Variants in SLC9A4 observed in about 807,000 individuals in gnomAD.
The protein encoded by SLC9A4 is sodium/hydrogen exchanger 4.
In SLC9A4, 63 loss-of-function variants were observed where a neutral mutation model predicts 67.4. The observed-to-expected ratio is 0.93, with a 90% CI of 0.76 to 1.15. The LOEUF is 1.15. SLC9A4 is among the 50% of genes most tolerant of loss of function. SLC9A4 has a pLI of 0.00. For missense variants in SLC9A4, 1,089 were observed against 987.7 expected, an observed-to-expected ratio of 1.10 and a Z score of -1.38; for synonymous variants, 393 against 367.2, an observed-to-expected ratio of 1.07 and a Z score of -0.80.
Position 102,473,726 on chromosome 2 carries a change from C to A in SLC9A4, c.-34C>A. On this transcript the variant is annotated 5_prime_UTR_variant, in exon 1 of 12. Coordinates refer to ENST00000295269, the MANE Select transcript of SLC9A4 (RefSeq NM_001011552.4). ...CGACTTCAGATGTGTGGCACACATCCACACAGGGGTGTAGGTAGGAGAAGC... is the reference window on the plus strand; with the variant it reads ...CGACTTCAGATGTGTGGCACACATCAACACAGGGGTGTAGGTAGGAGAAGC... 1 of 1,607,970 alleles carries A rather than the reference C, an allele frequency of 6.2e-7. No homozygotes were observed. Among genetic ancestry groups the A allele is most frequent in the Non-Finnish European group, 8.5e-7 (1 of 1,177,340 alleles).
At chr2:102,474,683 C>CA (rs1684291636) in intron 1 of SLC9A4, among the ~76,000 whole-genome samples, 4 of 152,160 alleles carry the variant, frequency 2.6e-5, no homozygotes, top group Non-Finnish European at 5.9e-5. Context: ...ATCTTTGTGT[C>CA]AAAAACCAAA....
chr2:102,532,811 T>C lies in SLC9A4; in HGVS notation c.*123T>C, dbSNP rs1423324149. 4 of 1,053,312 alleles carry C rather than the reference T, an allele frequency of 3.8e-6. No homozygotes were observed. The highest frequency in any genetic ancestry group is 2.7e-5 in the Admixed American group (1 of 37,302). The allele number at this position is 1,053,312 out of a possible 1,614,324, so 65.2% of individuals were successfully genotyped here. A position where few individuals can be genotyped will look rare whatever the true frequency, so the allele number is the denominator to read the frequency against. On this transcript the variant is annotated 3_prime_UTR_variant, in exon 12 of 12. Coordinates refer to ENST00000295269, the MANE Select transcript of SLC9A4 (RefSeq NM_001011552.4). ...TTTGCTGTGTTGAAGCTATTAAACA[T>C]GGATCTATAAGCAGCAGGAAGATTT...
intron 10 of SLC9A4, 40 bp from the exon 11 acceptor site, chr2:102,526,219 A>T (rs774243479): frequency 5.0e-6 from 8 of 1,597,772 alleles, no homozygotes; most frequent in Non-Finnish European, 5.1e-6. Flanking sequence ...CTTAATTGAG[A>T]CAGCTTATTC....
Position 102,525,145 on chromosome 2 carries a change from G to A in SLC9A4, c.1940G>A (p.Trp647Ter), listed in dbSNP as rs1479565772. ...ATGAGGAAAGGTCACAGCCTGCCCT[G>A]GGGAAAGCCGGTACATTGGGGCTGG... ...ESMRKGHSLP[W>*]GKPAGTKNIR... Residue 647 changes from tryptophan (W) to a stop codon, truncating the protein, a stop_gained, in exon 10 of 12, where the codon TGG becomes TAG. Coordinates refer to ENST00000295269, the MANE Select transcript of SLC9A4 (RefSeq NM_001011552.4). LOFTEE classifies it high-confidence loss of function. The A allele has an allele frequency of 2.2e-5, 36 of 1,613,706 alleles. No homozygotes were observed. The highest frequency in any genetic ancestry group is 2.8e-5 in the Non-Finnish European group (33 of 1,179,834).
chr2:102,522,427 A>G lies in SLC9A4; in HGVS notation c.1818+2472A>G, dbSNP rs576813634. ...GAGGGAGAGGAGCGAAGACACTTGC[A>G]TGGACATTATATGCATAGAGCCTTC... On this transcript the variant is annotated intron_variant, in intron 9 of 11. Coordinates refer to ENST00000295269, the MANE Select transcript of SLC9A4 (RefSeq NM_001011552.4). 1.5e-4 allele frequency among the ~76,000 whole-genome samples: 23 copies of G among 152,324 alleles called. No homozygotes were observed. In the East Asian group the frequency reaches 1.7e-3, roughly 12 times the overall value.
rs1558666767 is a variant in SLC9A4, at chr2:102,505,271, T to C, written c.998T>C (p.Val333Ala). The change falls in exon 4 of 12, where the codon GTA (valine) becomes GCA (alanine). Residue 333 changes from valine (V) to alanine (A), a missense_variant. Val to Ala is a moderately conservative substitution (Grantham distance 64, BLOSUM62 0). Transcript: ENST00000295269. ...SGILAITACA[V>A]TMKKYVEENV... is the part of the protein sequence containing the mutation. ...TTTTATAGAATCACAGCCTGCGCAG[T>C]AACAATGAAAAAGTACGTGGAAGAA... 1.2e-6 allele frequency: 2 copies of C among 1,613,976 alleles called. No individual in the cohort carries two copies. The highest frequency in any genetic ancestry group is 1.7e-6 in the Non-Finnish European group (2 of 1,180,014).
At chr2:102,485,418 T>C (rs1684566374) in intron 2 of SLC9A4, among the ~76,000 whole-genome samples, 2 of 152,308 alleles carry the variant, frequency 1.3e-5, no homozygotes, top group Middle Eastern at 3.4e-3. Context: ...GCCCTCTATT[T>C]ATTGTGGATT....
At position 102,526,325 on chromosome 2, in the gene SLC9A4, A is replaced by AC. The variant is rs1674665133; in HGVS notation, c.2018dup (p.Arg674LysfsTer8). On this transcript the variant is annotated frameshift_variant, in exon 11 of 12. Coordinates refer to ENST00000295269, the MANE Select transcript of SLC9A4 (RefSeq NM_001011552.4). LOFTEE classifies it low-confidence loss of function (END_TRUNC). ...GAATCCTCAGTCTGCAGGAAGAGAC[A>AC]CAAGGGCTGCTGGGTTCTCAGGTAA... 1 of 1,613,756 alleles carries AC rather than the reference A, an allele frequency of 6.2e-7. No individual in the cohort carries two copies. The highest frequency in any genetic ancestry group is 1.1e-5 in the South Asian group (1 of 91,084).
intron 2 of SLC9A4, among the ~76,000 whole-genome samples, chr2:102,486,349 T>C (rs1231809871): frequency 6.6e-5 from 10 of 152,174 alleles, no homozygotes; most frequent in African/African-American, 2.4e-4. Context: ...GTGTTTGGTG[T>C]TATTCATCCA....
intron 2 of SLC9A4, among the ~76,000 whole-genome samples, chr2:102,489,080 A>T (rs1332130623): frequency 6.6e-6 from 1 of 152,236 alleles, no homozygotes; most frequent in Non-Finnish European, 1.5e-5. Flanking sequence ...GTTACAACTG[A>T]TGCTTGCTTT....
chr2:102,505,043 C>G (rs574264324), intron 3 of SLC9A4, among the ~76,000 whole-genome samples: 21 of 152,120 alleles, frequency 1.4e-4, no homozygotes, highest in African/African-American at 4.6e-4. Context: ...CACCTTCCCA[C>G]CACATTCACC....
chr2:102,493,113 G>T (rs1192867846), intron 2 of SLC9A4, among the ~76,000 whole-genome samples: 1 of 152,174 alleles, frequency 6.6e-6, no homozygotes, highest in African/African-American at 2.4e-5. Context: ...AAGTCTTTAG[G>T]AAGTTTCAAA....
At position 102,514,084 on chromosome 2, in the gene SLC9A4, T is replaced by A. The variant is rs770973156; in HGVS notation, c.1560-6T>A. 1 of 1,609,234 alleles carries A rather than the reference T, an allele frequency of 6.2e-7. No homozygotes were observed. Among genetic ancestry groups the A allele is most frequent in the Admixed American group, 1.7e-5 (1 of 58,712 alleles). On this transcript the variant is annotated splice_region_variant and splice_polypyrimidine_tract_variant and intron_variant, in intron 7 of 11. Transcript: ENST00000295269. ...AGATTTCCAAAATGTTGGTTTTCAT[T>A]TTTAGGTTTAAGAAGTTTGATCATA... is the stretch of plus-strand genomic sequence containing the variant.
intron 4 of SLC9A4, chr2:102,505,678 A>G (rs1340345917): frequency 3.8e-6 from 2 of 528,278 alleles, no homozygotes; most frequent in African/African-American, 3.8e-5. Flanking sequence ...AAGGTTCTGC[A>G]TTGAAGCAAG....
intron 6 of SLC9A4, among the ~76,000 whole-genome samples, chr2:102,509,778 T>C (rs1480398248): frequency 6.6e-6 from 1 of 152,236 alleles, no homozygotes; most frequent in Admixed American, 6.5e-5. Context: ...AAACAAGTTA[T>C]CTGCTCTTAA....
At chr2:102,517,578 C>T (rs1033401267) in intron 8 of SLC9A4, among the ~76,000 whole-genome samples, 1 of 152,008 alleles carries the variant, frequency 6.6e-6, no homozygotes, top group Non-Finnish European at 1.5e-5. Flanking sequence ...TTGTACATTT[C>T]AAAATAGCTA....
intron 4 of SLC9A4, 129 bp from the exon 5 acceptor site, chr2:102,507,950 C>A: frequency 2.5e-6 from 2 of 811,192 alleles, no homozygotes; most frequent in Non-Finnish European, 2.0e-6. Context: ...CTGGGATAGA[C>A]AATCATGGGT....
intron 1 of SLC9A4, among the ~76,000 whole-genome samples, chr2:102,476,143 C>T (rs1684327250): frequency 6.6e-6 from 1 of 152,090 alleles, no homozygotes; most frequent in Admixed American, 6.6e-5. Context: ...TTTAAAACAC[C>T]CAACTATATG....
At chr2:102,496,118 T>C (rs1684804479) in intron 2 of SLC9A4, among the ~76,000 whole-genome samples, 1 of 152,138 alleles carries the variant, frequency 6.6e-6, no homozygotes. Context: ...TCACTATACA[T>C]GCATTTCACA....
Sources: gnomAD v4.1 joint callset for allele counts (sites outside exome capture counted in the v4.1 genomes callset) on GRCh38, gnomAD v4.1.1 for gene constraint, MANE v1.5 for transcripts, NCBI Gene and HGNC (gene_info 2026-07-23, HGNC 2026-07-21) for gene names.